Variants in PRDM5 observed in about 807,000 individuals in gnomAD.
PRDM5 encodes PR/SET domain 5, also known as PR domain zinc finger protein 5.
Under a neutral mutation model 81.2 loss-of-function variants are expected in PRDM5, and 56 were observed. That is an observed-to-expected ratio of 0.69 (90% CI 0.56 to 0.86). The LOEUF (loss-of-function observed/expected upper bound fraction) is 0.86. Ranked by LOEUF, PRDM5 falls within the 40% of genes least tolerant of loss-of-function variation. The probability of loss-of-function intolerance (pLI) is 0.00; values close to 1 mark genes in which losing one functional copy is unlikely to be tolerated. For missense variants in PRDM5, 697 were observed against 770.1 expected (o/e 0.91, Z 1.12); for synonymous variants, 267 against 256.4 (o/e 1.04, Z -0.39).
chr4:120,917,730 T>C (rs1257291995), intron 1 of PRDM5, among the ~76,000 whole-genome samples: 3 of 151,804 alleles, frequency 2.0e-5, no homozygotes, highest in East Asian at 3.9e-4. Context: ...TTCCACAAGA[T>C]ACCGTCGAAA....
At chr4:120,757,791 G>T (rs2149165612) in intron 13 of PRDM5, among the ~76,000 whole-genome samples, 1 of 149,602 alleles carries the variant, frequency 6.7e-6, no homozygotes, top group South Asian at 2.1e-4. Flanking sequence ...CTCCCAGATA[G>T]AACAAAAAGA....
chr4:120,895,826 A>T (rs1764555073), intron 2 of PRDM5: 1 of 152,214 alleles, frequency 6.6e-6, no homozygotes, highest in African/African-American at 2.4e-5. Context: ...ACAGGCATGT[A>T]CCACCATGCC....
At chr4:120,913,272 T>C (rs1766723123) in intron 1 of PRDM5, among the ~76,000 whole-genome samples, 1 of 152,228 alleles carries the variant, frequency 6.6e-6, no homozygotes, top group Non-Finnish European at 1.5e-5. Flanking sequence ...ATGAGCATGA[T>C]AGCTGGGGCT....
intron 12 of PRDM5, 123 bp downstream of exon 12, chr4:120,781,020 C>T: frequency 1.2e-6 from 1 of 854,626 alleles, no homozygotes; most frequent in Admixed American, 2.5e-5. Context: ...ATAAATCATG[C>T]ATTTGTCATT....
intron 14 of PRDM5, among the ~76,000 whole-genome samples, chr4:120,716,279 AT>A (rs1440825476): frequency 6.6e-6 from 1 of 152,164 alleles, no homozygotes; most frequent in African/African-American, 2.4e-5. Context: ...TACAACAACC[AT>A]GTATTTATAT....
rs1207388567 is a variant in PRDM5 at position 120,871,852 on chromosome 4, C to A, written c.178-18312G>T. ...TTGATAGGATTGTAAAATAGTGCAA[C>A]TGCTATTGAAACAGTACAGAGCCAG... On this transcript the variant is annotated intron_variant, in intron 2 of 15. Transcript: ENST00000264808. 2.0e-5 allele frequency among the ~76,000 whole-genome samples: 3 copies of A among 151,648 alleles called. No homozygotes were observed. In the South Asian group the frequency reaches 6.2e-4, roughly 31 times the overall value.
intron 3 of PRDM5, among the ~76,000 whole-genome samples, chr4:120,844,083 C>T (rs1561464680): frequency 6.6e-6 from 1 of 152,238 alleles, no homozygotes; most frequent in South Asian, 2.1e-4. Flanking sequence ...AGGATTCAGT[C>T]ACTCCACACA....
At chr4:120,897,935 G>A (rs1764830726) in intron 2 of PRDM5, among the ~76,000 whole-genome samples, 1 of 152,108 alleles carries the variant, frequency 6.6e-6, no homozygotes, top group African/African-American at 2.4e-5. Flanking sequence ...ATATCCTTAA[G>A]TCAGTTTCTA....
chr4:120,904,208 A>AAAAAAAAAAAACC (rs1410008827), intron 2 of PRDM5, among the ~76,000 whole-genome samples: 1 of 147,564 alleles, frequency 6.8e-6, no homozygotes, highest in African/African-American at 2.5e-5. Flanking sequence ...AAAAAAAACA[A>AAAAAAAAAAAACC]AAAAACCTCC....
chr4:120,777,716 G>A (rs1003819837), intron 12 of PRDM5, among the ~76,000 whole-genome samples: 2 of 152,036 alleles, frequency 1.3e-5, no homozygotes, highest in South Asian at 4.1e-4. Flanking sequence ...TCTATTACTT[G>A]TGTTATGATG....
intron 3 of PRDM5, among the ~76,000 whole-genome samples, chr4:120,824,768 T>A (rs560829243): frequency 1.3e-5 from 2 of 152,240 alleles, no homozygotes; most frequent in Admixed American, 1.3e-4. Flanking sequence ...AAAAGTCAAA[T>A]CTCTAACAAT....
Position 120,853,418 on chromosome 4 carries a change from T to A in PRDM5, c.300A>T (p.Gln100His), listed in dbSNP as rs1420670623. The change falls in exon 3 of 16, where the codon CAA (glutamine) becomes CAT (histidine). Residue 100 changes from glutamine to histidine, a missense_variant and splice_region_variant. By Grantham distance (24) the Gln-to-His change is conservative. Coordinates refer to ENST00000264808, the MANE Select transcript of PRDM5 (RefSeq NM_018699.4). Reference protein sequence around the residue: ...SQEQKNLAAIQEGENIFYLAV... With the variant: ...SQEQKNLAAIHEGENIFYLAV... ...ACAAATGAGAAGCAAATAAGCTCAC[T>A]TGAATGGCAGCCAAGTTCTTCTGCT... 3.7e-6 allele frequency: 6 copies of A among 1,613,730 alleles called. No homozygotes were observed. The Middle Eastern group carries it at 8.3e-4, about 222-fold the overall frequency.
chr4:120,794,120 G>A (rs1334047817), intron 10 of PRDM5, among the ~76,000 whole-genome samples: 1 of 152,100 alleles, frequency 6.6e-6, no homozygotes, highest in Non-Finnish European at 1.5e-5. Context: ...CATAATGTGT[G>A]CAGCTCATTG....
At chr4:120,708,795 T>C (rs1736553118) in intron 15 of PRDM5, among the ~76,000 whole-genome samples, 1 of 152,082 alleles carries the variant, frequency 6.6e-6, no homozygotes, top group Admixed American at 6.6e-5. Context: ...CTGAGAGCTC[T>C]TTAAGAGGGA....
chr4:120,803,997 G>C (rs909583523), intron 8 of PRDM5, among the ~76,000 whole-genome samples: 2 of 152,066 alleles, frequency 1.3e-5, no homozygotes, highest in Non-Finnish European at 2.9e-5. Flanking sequence ...CAAAATAAAG[G>C]GATGGAGGAA....
Position 120,732,971 on chromosome 4 carries a change from G to T in PRDM5, c.1623+21582C>A, listed in dbSNP as rs776037214. Among the ~76,000 whole-genome samples the T allele has an allele frequency of 4.5e-4, 69 of 152,298 alleles. 1 individual carries two copies. The highest frequency in any genetic ancestry group is 1.4e-3 in the South Asian group (7 of 4,828). ...AGACATTTTAGAAATGTTGTGCATT[G>T]TATTTTGTTCTAGCTAGTAATAGCA... On this transcript the variant is annotated intron_variant, in intron 14 of 15. Coordinates refer to ENST00000264808, the MANE Select transcript of PRDM5 (RefSeq NM_018699.4).
At chr4:120,816,658 A>G (rs1176437238) in intron 6 of PRDM5, 84 bp from the exon 7 acceptor site, 1 of 1,586,404 alleles carries the variant, frequency 6.3e-7, no homozygotes, top group African/African-American at 1.3e-5. Context: ...ATTTTGTAAT[A>G]CATGCTCCCT....
intron 7 of PRDM5, among the ~76,000 whole-genome samples, chr4:120,813,946 A>G (rs35774122): frequency 0.14 from 22,011 of 151,848 alleles, 2,225 homozygotes; most frequent in Non-Finnish European, 0.22. Context: ...TCCTGCCACA[A>G]CTCTGCCTGC....
At chr4:120,908,922 C>A (rs1369221566) in intron 1 of PRDM5, among the ~76,000 whole-genome samples, 4 of 152,152 alleles carry the variant, frequency 2.6e-5, no homozygotes, top group Admixed American at 2.6e-4. Context: ...AACACAACAG[C>A]CCCAAAGAGG....
Sources: gnomAD v4.1 joint callset for allele counts (sites outside exome capture counted in the v4.1 genomes callset) on GRCh38, gnomAD v4.1.1 for gene constraint, MANE v1.5 for transcripts, NCBI Gene and HGNC (gene_info 2026-07-23, HGNC 2026-07-21) for gene names.